Variants in PTPRD observed in about 807,000 individuals in gnomAD.
PTPRD encodes the protein protein tyrosine phosphatase receptor type D.
PTPRD carries 34 observed loss-of-function variants against 214.5 expected under a neutral mutation model. That is an observed-to-expected ratio of 0.16 (90% CI 0.12 to 0.21). The LOEUF (loss-of-function observed/expected upper bound fraction) is 0.21. Among genes scored for constraint, PTPRD ranks in the 10% least tolerant of loss-of-function variants. The pLI is 1.00. For synonymous variants in PTPRD, 1,128 were observed against 845.7 expected (o/e 1.33, Z -5.79); for missense variants, 2,545 against 2,398.7 (o/e 1.06, Z -1.27).
At chr9:8,893,842 C>T (rs911816591) in intron 11 of PTPRD, among the ~76,000 whole-genome samples, 39 of 151,924 alleles carry the variant, frequency 2.6e-4, no homozygotes, top group Non-Finnish European at 3.8e-4. Context: ...AAGAAAAGCT[C>T]GCTGTAGAAT....
intron 11 of PTPRD, among the ~76,000 whole-genome samples, chr9:8,758,057 T>G (rs1278661345): frequency 6.6e-6 from 1 of 152,206 alleles, no homozygotes; most frequent in Non-Finnish European, 1.5e-5. Context: ...AACTTCCATC[T>G]GTGTGAAATG....
At chr9:9,124,173 A>G (rs758564723) in intron 10 of PTPRD, among the ~76,000 whole-genome samples, 10 of 152,200 alleles carry the variant, frequency 6.6e-5, no homozygotes, top group Non-Finnish European at 1.0e-4. Flanking sequence ...GTCACACATT[A>G]TAAAGTATTA....
chr9:9,513,653 T>C (rs1348386194), intron 8 of PTPRD, among the ~76,000 whole-genome samples: 1 of 151,642 alleles, frequency 6.6e-6, no homozygotes, highest in African/African-American at 2.4e-5. Context: ...TGAATATTCT[T>C]CTCCTTCCCC....
At chr9:9,384,572 C>G (rs1015499213) in intron 9 of PTPRD, among the ~76,000 whole-genome samples, 8 of 151,370 alleles carry the variant, frequency 5.3e-5, no homozygotes, top group Non-Finnish European at 1.0e-4. Flanking sequence ...AACAACTTTT[C>G]TAATTAAGCC....
chr9:10,306,697 T>A (rs998541686), intron 3 of PTPRD, among the ~76,000 whole-genome samples: 1 of 152,050 alleles, frequency 6.6e-6, no homozygotes, highest in Admixed American at 6.6e-5. Flanking sequence ...CCAACCAGAG[T>A]CTCAAAATTC....
At chr9:9,248,207 C>G (rs147253534) in intron 9 of PTPRD, among the ~76,000 whole-genome samples, 1 of 151,904 alleles carries the variant, frequency 6.6e-6, no homozygotes, top group African/African-American at 2.4e-5. Context: ...ATTCTCCTGC[C>G]TAAGCCTCCC....
intron 36 of PTPRD, among the ~76,000 whole-genome samples, chr9:8,404,198 G>T (rs1380461353): frequency 6.6e-6 from 1 of 152,084 alleles, no homozygotes; most frequent in Non-Finnish European, 1.5e-5. Flanking sequence ...ACACGATCTC[G>T]GCTCACTGCA....
At chr9:10,139,068 G>A (rs528263331) in intron 3 of PTPRD, among the ~76,000 whole-genome samples, 1 of 151,948 alleles carries the variant, frequency 6.6e-6, no homozygotes, top group African/African-American at 2.4e-5. Flanking sequence ...AAAAAATAAA[G>A]AGGCATCCAA....
intron 2 of PTPRD, among the ~76,000 whole-genome samples, chr9:10,446,136 T>G (rs1457662257): frequency 6.6e-6 from 1 of 151,898 alleles, no homozygotes; most frequent in Non-Finnish European, 1.5e-5. Flanking sequence ...CCCACCCCCT[T>G]TGAAATAGAA....
chr9:9,462,405 T>G (rs916787527), intron 8 of PTPRD, among the ~76,000 whole-genome samples: 2 of 152,124 alleles, frequency 1.3e-5, no homozygotes, highest in Non-Finnish European at 2.9e-5. Flanking sequence ...CTAAAAGATT[T>G]TGCAGAAAGG....
intron 3 of PTPRD, among the ~76,000 whole-genome samples, chr9:10,093,336 G>GA (rs1399623808): frequency 6.6e-6 from 1 of 151,206 alleles, no homozygotes; most frequent in Admixed American, 6.6e-5. Flanking sequence ...CAACAAACAT[G>GA]AAAAAAATCC....
intron 7 of PTPRD, among the ~76,000 whole-genome samples, chr9:9,689,552 G>A (rs1425453059): frequency 6.6e-6 from 1 of 151,598 alleles, no homozygotes; most frequent in East Asian, 1.9e-4. Context: ...TTTGACTATA[G>A]TCACTCCACT....
At chr9:9,231,677 T>C (rs981165428) in intron 9 of PTPRD, among the ~76,000 whole-genome samples, 1 of 152,162 alleles carries the variant, frequency 6.6e-6, no homozygotes, top group African/African-American at 2.4e-5. Context: ...CTATTAAGTA[T>C]ATAGAACAGT....
intron 2 of PTPRD, among the ~76,000 whole-genome samples, chr9:10,466,266 T>A (rs117315913): frequency 1.3e-5 from 2 of 151,964 alleles, no homozygotes; most frequent in East Asian, 3.9e-4. Flanking sequence ...AATAATGGAG[T>A]CAGTATTTGA....
chr9:9,837,846 C>A (rs942452948), intron 5 of PTPRD, among the ~76,000 whole-genome samples: 1 of 152,116 alleles, frequency 6.6e-6, no homozygotes, highest in Admixed American at 6.5e-5. Flanking sequence ...TATACATGTG[C>A]CATGTTGGTG....
chr9:8,557,779 T>TAC (rs373363751), intron 14 of PTPRD, among the ~76,000 whole-genome samples: 21,022 of 103,688 alleles, frequency 0.2, 1,827 homozygotes, highest in South Asian at 0.29. Flanking sequence ...AAAAACAAAA[T>TAC]ACACACACAC....
At chr9:10,262,924 T>A (rs1478606273) in intron 3 of PTPRD, among the ~76,000 whole-genome samples, 1 of 152,096 alleles carries the variant, frequency 6.6e-6, no homozygotes, top group Non-Finnish European at 1.5e-5. Context: ...GATAATTGAA[T>A]AAAGGGGGCA....
intron 2 of PTPRD, among the ~76,000 whole-genome samples, chr9:10,549,026 G>A (rs1292559677): frequency 6.6e-6 from 1 of 152,110 alleles, no homozygotes; most frequent in Admixed American, 6.6e-5. Flanking sequence ...GACAATTATG[G>A]CAAGTTTAAA....
intron 12 of PTPRD, among the ~76,000 whole-genome samples, chr9:8,652,146 T>TC (rs1256343499): frequency 6.6e-6 from 1 of 152,206 alleles, no homozygotes; most frequent in East Asian, 1.9e-4. Context: ...CAAAGGATTT[T>TC]CCCACACAGA....
Sources: allele counts gnomAD v4.1 joint callset (sites outside exome capture counted in the v4.1 genomes callset), GRCh38; gene constraint gnomAD v4.1.1; transcripts MANE v1.5; gene names NCBI Gene and HGNC (gene_info 2026-07-23, HGNC 2026-07-21).